MCPH1: variants seen among roughly 807,000 people sequenced by gnomAD.
The protein encoded by MCPH1 is microcephalin.
A neutral mutation model predicts 84.5 loss-of-function variants in MCPH1; 104 were observed. The observed-to-expected ratio is 1.23, with a 90% confidence interval of 1.05 to 1.45. The LOEUF (loss-of-function observed/expected upper bound fraction) is 1.45. Among genes scored for constraint, MCPH1 ranks in the 40% most tolerant of loss-of-function variants. MCPH1 has a pLI of 0.00. For synonymous variants in MCPH1, 514 were observed against 366.8 expected (o/e 1.40, Z -4.58); for missense variants, 1,498 against 1,005.7 (o/e 1.49, Z -6.62).
chr8:6,562,567 TTTTTG>T, intron 12 of MCPH1: 2 of 296,434 alleles, frequency 6.7e-6, no homozygotes, highest in East Asian at 5.4e-5. Context: ...TTTTTTTTTT[TTTTTG>T]GTTGTTAAAA....
At chr8:6,601,149 G>C (rs763754224) in intron 12 of MCPH1, among the ~76,000 whole-genome samples, 96 of 152,188 alleles carry the variant, frequency 6.3e-4, no homozygotes, top group Non-Finnish European at 1.0e-3. Flanking sequence ...AGAGTCCATA[G>C]ACCTCCCAGC....
At chr8:6,596,006 C>G (rs1445457105) in intron 12 of MCPH1, among the ~76,000 whole-genome samples, 3 of 152,340 alleles carry the variant, frequency 2.0e-5, no homozygotes, top group East Asian at 1.9e-4. Flanking sequence ...GAGACAGTCT[C>G]TTTCTTTTTA....
chr8:6,600,480 G>T (rs1829272025), intron 12 of MCPH1, among the ~76,000 whole-genome samples: 1 of 152,194 alleles, frequency 6.6e-6, no homozygotes, highest in African/African-American at 2.4e-5. Flanking sequence ...GGGGATTGGG[G>T]CGGCACTGGC....
At chr8:6,422,528 G>A (rs1163079201) in intron 3 of MCPH1, among the ~76,000 whole-genome samples, 1 of 152,142 alleles carries the variant, frequency 6.6e-6, no homozygotes, top group African/African-American at 2.4e-5. Context: ...GTGTTCTGCT[G>A]AGAGTTAGGG....
chr8:6,564,164 TAG>T (rs1825936613), intron 12 of MCPH1, among the ~76,000 whole-genome samples: 2 of 152,072 alleles, frequency 1.3e-5, no homozygotes, highest in Non-Finnish European at 2.9e-5. Flanking sequence ...GTATTTTTAG[TAG>T]AGACAGGGTT....
At position 6,409,379 on chromosome 8, in the gene MCPH1, C is replaced by G. The variant is rs778120850; in HGVS notation, c.114+9C>G. On this transcript the variant is annotated intron_variant, in intron 2 of 13. Transcript: ENST00000344683. The stretch of plus-strand genomic sequence containing the variant: ...TGGATATGGGGGCAAAGGTAAGACA[C>G]TTATTTTGCTGTTGATTCATATGAC... The G allele has an allele frequency of 1.3e-6, 2 of 1,587,770 alleles. No individual in the cohort carries two copies. The highest frequency in any genetic ancestry group is 1.7e-6 in the Non-Finnish European group (2 of 1,156,018).
At chr8:6,418,959 A>G (rs370879036) in intron 3 of MCPH1, among the ~76,000 whole-genome samples, 1 of 152,076 alleles carries the variant, frequency 6.6e-6, no homozygotes, top group African/African-American at 2.4e-5. Flanking sequence ...GGCCTTTTCA[A>G]CAGATTCAGG....
chr8:6,432,658 G>A (rs1057358875), intron 4 of MCPH1, among the ~76,000 whole-genome samples: 2 of 152,216 alleles, frequency 1.3e-5, no homozygotes, highest in Non-Finnish European at 2.9e-5. Flanking sequence ...TACATTTCCT[G>A]TAGACTAGAG....
chr8:6,561,892 C>T (rs1229931196), intron 12 of MCPH1, among the ~76,000 whole-genome samples: 3 of 152,114 alleles, frequency 2.0e-5, no homozygotes, highest in South Asian at 2.1e-4. Context: ...GTGGAATCAC[C>T]CCAAGAACAA....
chr8:6,416,981 CG>C (rs145395581), intron 3 of MCPH1, among the ~76,000 whole-genome samples: 10 of 148,090 alleles, frequency 6.8e-5, no homozygotes, highest in Admixed American at 3.4e-4. Flanking sequence ...GCGACAAGAG[CG>C]GGGAAAAAAA....
At chr8:6,553,253 A>G (rs979685360) in intron 12 of MCPH1, among the ~76,000 whole-genome samples, 1 of 152,178 alleles carries the variant, frequency 6.6e-6, no homozygotes, top group African/African-American at 2.4e-5. Flanking sequence ...CTGTGAACCT[A>G]AAACTGCTCT....
intron 11 of MCPH1, chr8:6,494,129 G>C (rs533275288): frequency 6.6e-6 from 1 of 152,192 alleles, no homozygotes; most frequent in African/African-American, 2.4e-5. Context: ...TGTAGAGACA[G>C]AGTTTCACCG....
At chr8:6,464,891 C>T (rs760628531) in intron 9 of MCPH1, among the ~76,000 whole-genome samples, 7 of 151,822 alleles carry the variant, frequency 4.6e-5, no homozygotes, top group Admixed American at 3.3e-4. Context: ...CCCAGCTACT[C>T]GGGAGACTAA....
intron 9 of MCPH1, among the ~76,000 whole-genome samples, chr8:6,455,531 G>T (rs559555391): frequency 4.1e-4 from 63 of 152,278 alleles, no homozygotes; most frequent in African/African-American, 1.5e-3. Flanking sequence ...AATGTTGGTT[G>T]TGCCAGTGTT....
chr8:6,543,894 G>A (rs1430445147), intron 12 of MCPH1, among the ~76,000 whole-genome samples: 4 of 152,158 alleles, frequency 2.6e-5, no homozygotes, highest in Admixed American at 6.5e-5. Context: ...CTGAAAGGGC[G>A]CAATCTTTTT....
rs1333669098 is a variant in MCPH1 at position 6,444,747 on chromosome 8, A to G, written c.1025A>G (p.His342Arg). The stretch of plus-strand genomic sequence containing the variant: ...CCTACCTTATCTTCAACAAAAGGCC[A>G]CCTTTTGATACATTCAAGACCCAGG... ...LSPTLSSTKG[H>R]LLIHSRPRSS... Residue 342 changes from histidine to arginine, a missense_variant, in exon 8 of 14, where the codon CAC (histidine) becomes CGC (arginine). Coordinates refer to ENST00000344683, the MANE Select transcript of MCPH1 (RefSeq NM_024596.5). The G allele has an allele frequency of 8.7e-6, 14 of 1,614,040 alleles. No individual in the cohort carries two copies. Among genetic ancestry groups the G allele is most frequent in the Non-Finnish European group, 1.2e-5 (14 of 1,179,968 alleles).
In MCPH1 at chr8:6,430,129, C is replaced by G. The variant is rs79537429; in HGVS notation, c.234-1370C>G. Among the ~76,000 whole-genome samples, 1,154 of 152,310 alleles carry G rather than the reference C, an allele frequency of 7.6e-3. 6 individuals carry two copies. Among genetic ancestry groups the G allele is most frequent in the Non-Finnish European group, 0.01 (700 of 68,024 alleles). On this transcript the variant is annotated intron_variant, in intron 3 of 13. Transcript: ENST00000344683. ...TCAGAGTTGAGTCTGGTGATCATCT[C>G]TGACCTGAAGCTTTCTCTGAACCAT...
intron 12 of MCPH1, among the ~76,000 whole-genome samples, chr8:6,550,750 G>A (rs1411506401): frequency 1.3e-5 from 2 of 152,186 alleles, no homozygotes; most frequent in African/African-American, 2.4e-5. Flanking sequence ...GCCTGTGTAC[G>A]TTCTGATACC....
intron 12 of MCPH1, among the ~76,000 whole-genome samples, chr8:6,509,674 G>C (rs1400925967): frequency 2.0e-5 from 3 of 152,192 alleles, no homozygotes; most frequent in Non-Finnish European, 4.4e-5. Flanking sequence ...GACGATCCCT[G>C]ACTTCCCATG....
Sources: gnomAD v4.1 joint callset for allele counts (sites outside exome capture counted in the v4.1 genomes callset) on GRCh38, gnomAD v4.1.1 for gene constraint, MANE v1.5 for transcripts, NCBI Gene and HGNC (gene_info 2026-07-23, HGNC 2026-07-21) for gene names.